PI4K2B: variants seen among roughly 807,000 people sequenced by gnomAD.
The protein encoded by PI4K2B is phosphatidylinositol 4-kinase type 2-beta.
PI4K2B carries 46 observed loss-of-function variants against 56.6 expected under a neutral mutation model. The ratio of observed to expected loss-of-function variants is 0.81; its 90% CI spans 0.64 to 1.04. The LOEUF is 1.04. PI4K2B is among the 50% of genes least tolerant of loss of function. The probability of loss-of-function intolerance (pLI) is 0.00; values close to 1 mark genes in which losing one functional copy is unlikely to be tolerated. For synonymous variants in PI4K2B, 211 were observed against 223.8 expected (o/e 0.94, Z 0.51); for missense variants, 556 against 607.7 (o/e 0.91, Z 0.89).
At position 25,252,341 on chromosome 4, in the gene PI4K2B, A is replaced by G; in HGVS notation, c.289A>G (p.Met97Val). Reference protein sequence around the residue: ...AVSVTIGTSEMNAFLDDPEFA... With the variant: ...AVSVTIGTSEVNAFLDDPEFA... ...TGCAGTAACTATTGGTACTTCAGAG[A>G]TGAATGCATTCTTGGATGACCCAGA... The change falls in exon 2 of 10, where the codon ATG becomes GTG. Residue 97 changes from methionine to valine, a missense_variant. Met to Val is a conservative substitution (Grantham distance 21). Coordinates refer to ENST00000264864, the MANE Select transcript of PI4K2B (RefSeq NM_018323.4). The G allele has an allele frequency of 1.9e-6, 3 of 1,610,626 alleles. No homozygotes were observed. The highest frequency in any genetic ancestry group is 2.5e-6 in the Non-Finnish European group (3 of 1,176,894).
At position 25,259,184 on chromosome 4, in the gene PI4K2B, A is replaced by G; in HGVS notation, c.904A>G (p.Asn302Asp). ...RLVILDYIIR[N>D]TDRGNDNWLV... The stretch of plus-strand genomic sequence containing the variant: ...AGTTATTTTGGATTACATCATCAGA[A>G]ATACAGGTATTGAAGTTCTCTCATT... The change falls in exon 5 of 10, where the codon AAT becomes GAT. Residue 302 changes from asparagine (N) to aspartate (D), a missense_variant. Coordinates refer to ENST00000264864, the MANE Select transcript of PI4K2B (RefSeq NM_018323.4). 1 of 1,546,006 alleles carries G rather than the reference A, an allele frequency of 6.5e-7. No homozygotes were observed. The highest frequency in any genetic ancestry group is 8.9e-7 in the Non-Finnish European group (1 of 1,126,010).
chr4:25,246,415 C>T (rs1411132729), intron 1 of PI4K2B, among the ~76,000 whole-genome samples: 1 of 152,218 alleles, frequency 6.6e-6, no homozygotes, highest in Non-Finnish European at 1.5e-5. Context: ...CATGTCCCCA[C>T]TAGATTAGCT....
chr4:25,243,531 A>T (rs1166276049), intron 1 of PI4K2B, among the ~76,000 whole-genome samples: 1 of 152,038 alleles, frequency 6.6e-6, no homozygotes, highest in Non-Finnish European at 1.5e-5. Flanking sequence ...TTTGGTCCCT[A>T]TTATAGAACA....
chr4:25,247,055 G>C (rs1008636683), intron 1 of PI4K2B, among the ~76,000 whole-genome samples: 2 of 152,242 alleles, frequency 1.3e-5, no homozygotes, highest in Non-Finnish European at 2.9e-5. Context: ...GCCCAGAAAG[G>C]GGCTCCCCCA....
At chr4:25,250,227 G>C (rs1324192788) in intron 1 of PI4K2B, among the ~76,000 whole-genome samples, 1 of 152,154 alleles carries the variant, frequency 6.6e-6, no homozygotes, top group East Asian at 1.9e-4. Flanking sequence ...AGGGAGAGGG[G>C]AGAGGGGAGA....
intron 3 of PI4K2B, among the ~76,000 whole-genome samples, chr4:25,256,229 C>G (rs1429994089): frequency 6.6e-6 from 1 of 152,206 alleles, no homozygotes; most frequent in Non-Finnish European, 1.5e-5. Context: ...ACCTGGCATC[C>G]TTTCTAAATT....
intron 7 of PI4K2B, among the ~76,000 whole-genome samples, chr4:25,267,065 A>G (rs1408730942): frequency 6.6e-6 from 1 of 152,224 alleles, no homozygotes; most frequent in African/African-American, 2.4e-5. Context: ...CTCCAACACC[A>G]TAGAGGAGAG....
chr4:25,244,105 G>T (rs1183020378), intron 1 of PI4K2B, among the ~76,000 whole-genome samples: 1 of 152,154 alleles, frequency 6.6e-6, no homozygotes, highest in Non-Finnish European at 1.5e-5. Flanking sequence ...GTACCTATCA[G>T]GATCATCTGA....
chr4:25,269,507 C>T (rs113844685), intron 9 of PI4K2B, among the ~76,000 whole-genome samples: 17,181 of 151,218 alleles, frequency 0.11, 1,262 homozygotes, highest in African/African-American at 0.21. Context: ...GGTGTGGTGG[C>T]GGGCACCTGT....
chr4:25,250,794 G>A (rs552356361), intron 1 of PI4K2B, among the ~76,000 whole-genome samples: 17 of 152,324 alleles, frequency 1.1e-4, no homozygotes, highest in African/African-American at 4.1e-4. Flanking sequence ...GGTGAGAGCC[G>A]ATGGTAACCT....
chr4:25,278,224 G>A lies in PI4K2B; in HGVS notation c.*1037G>A, dbSNP rs1717175082. On this transcript the variant is annotated 3_prime_UTR_variant, in exon 10 of 10. Transcript: ENST00000264864. ...CATAAAGTCATTTATATTTGATTTT[G>A]AAATGTATTTTTGTACTTTATTTTG... The A allele has an allele frequency of 6.6e-6, 1 of 152,140 alleles. No individual in the cohort carries two copies. The highest frequency in any genetic ancestry group is 2.4e-5 in the African/African-American group (1 of 41,438). The allele number at this position is 152,140 out of a possible 1,614,324, so 9.4% of individuals were successfully genotyped here.
In PI4K2B at chr4:25,255,206, G is replaced by T; in HGVS notation, c.565G>T (p.Glu189Ter). The T allele has an allele frequency of 1.2e-6, 2 of 1,614,140 alleles. No individual in the cohort carries two copies. Among genetic ancestry groups the T allele is most frequent in the Non-Finnish European group, 1.7e-6 (2 of 1,180,008 alleles). The change falls in exon 3 of 10, where the codon GAA becomes TAA. Residue 189 changes from glutamate (E) to a stop codon, truncating the protein, a stop_gained. Transcript: ENST00000264864. LOFTEE classifies it high-confidence loss of function. ...CLIPNQGYLS[E>*]AGAYLVDNKL... ...GATTCCTAATCAGGGGTACCTTTCC[G>T]AAGCGGGTGCCTATCTTGTGGACAA...
intron 5 of PI4K2B, among the ~76,000 whole-genome samples, chr4:25,259,643 A>G (rs1716385305): frequency 6.6e-6 from 1 of 152,140 alleles, no homozygotes; most frequent in Non-Finnish European, 1.5e-5. Context: ...CCACACTGGA[A>G]GAAGAATTGT....
intron 1 of PI4K2B, among the ~76,000 whole-genome samples, chr4:25,237,468 A>G (rs1715315482): frequency 1.3e-5 from 2 of 152,218 alleles, no homozygotes; most frequent in South Asian, 4.1e-4. Flanking sequence ...TCCACTCCCC[A>G]GGTTCAAGCG....
chr4:25,266,120 A>T (rs1372284217), intron 7 of PI4K2B, among the ~76,000 whole-genome samples: 2 of 151,314 alleles, frequency 1.3e-5, no homozygotes, highest in East Asian at 3.9e-4. Flanking sequence ...TAACATTGTT[A>T]TACCTCCGTT....
chr4:25,238,918 T>G (rs968204453), intron 1 of PI4K2B, among the ~76,000 whole-genome samples: 5 of 151,782 alleles, frequency 3.3e-5, no homozygotes, highest in Admixed American at 2.6e-4. Context: ...ATTGGTCCAT[T>G]TTACAGAGCA....
intron 1 of PI4K2B, among the ~76,000 whole-genome samples, chr4:25,240,178 T>C (rs1427185698): frequency 6.6e-6 from 1 of 152,186 alleles, no homozygotes; most frequent in African/African-American, 2.4e-5. Context: ...TTGAAAGGCA[T>C]TGTCTGATTT....
intron 8 of PI4K2B, 93 bp from the exon 9 acceptor site, chr4:25,269,028 ATCAATTAGGAAAGCTTTTTAATG>A (rs2109023640): frequency 1.8e-6 from 1 of 555,588 alleles, no homozygotes; most frequent in East Asian, 3.0e-5. Context: ...GTTTTATTTT[ATCAATTAGGAAAGCTTTTTAATG>A]GCCTTATTTG....
intron 7 of PI4K2B, among the ~76,000 whole-genome samples, chr4:25,265,150 G>T (rs1406704681): frequency 8.1e-6 from 1 of 123,664 alleles, no homozygotes; most frequent in Admixed American, 1.1e-4. Flanking sequence ...AGCCGAGATC[G>T]CGCCATTGCA....
Sources: allele counts gnomAD v4.1 joint callset (sites outside exome capture counted in the v4.1 genomes callset), GRCh38; gene constraint gnomAD v4.1.1; transcripts MANE v1.5; gene names NCBI Gene and HGNC (gene_info 2026-07-23, HGNC 2026-07-21).